Variants in DOC2B observed in about 807,000 individuals in gnomAD.
The protein encoded by DOC2B is double C2 domain beta.
Under a neutral mutation model 28.9 loss-of-function variants are expected in DOC2B, and 21 were observed. The ratio of observed to expected loss-of-function variants is 0.73; its 90% CI spans 0.52 to 1.05. The LOEUF (loss-of-function observed/expected upper bound fraction) is 1.05, where lower values mean the gene tolerates loss of function less well. DOC2B is among the 50% of genes least tolerant of loss of function. The pLI, the probability that DOC2B is intolerant of heterozygous loss-of-function variation, is 0.00. For missense variants in DOC2B, 384 were observed against 421.1 expected, an observed-to-expected ratio of 0.91 and a Z score of 0.77; for synonymous variants, 194 against 178.1, an observed-to-expected ratio of 1.09 and a Z score of -0.71.
intron 1 of DOC2B, among the ~76,000 whole-genome samples, chr17:176,232 T>C (rs2040368500): frequency 6.6e-6 from 1 of 151,868 alleles, no homozygotes; most frequent in Admixed American, 6.6e-5. Context: ...CTTGTTCTGT[T>C]ACCCAGGCTG....
intron 2 of DOC2B, 105 bp from the exon 3 acceptor site, chr17:164,309 T>G: frequency 1.1e-6 from 1 of 886,654 alleles, no homozygotes. Flanking sequence ...GGCCCATTCA[T>G]GGCCCCTTTC....
chr17:161,026 C>T (rs530133425), intron 5 of DOC2B, among the ~76,000 whole-genome samples: 6 of 152,214 alleles, frequency 3.9e-5, no homozygotes, highest in Non-Finnish European at 7.4e-5. Flanking sequence ...CACCCAAGGA[C>T]GTCCTATCTG....
chr17:160,391 T>C (rs966265448), intron 5 of DOC2B, among the ~76,000 whole-genome samples: 3 of 152,176 alleles, frequency 2.0e-5, no homozygotes, highest in African/African-American at 7.2e-5. Context: ...TGGATCAAAT[T>C]CTGCAAAAGT....
At chr17:157,223 T>C (rs935543207) in intron 5 of DOC2B, among the ~76,000 whole-genome samples, 5 of 152,220 alleles carry the variant, frequency 3.3e-5, no homozygotes, top group Non-Finnish European at 5.9e-5. Flanking sequence ...GGGTCCCACC[T>C]CCACACCTTT....
chr17:164,531 C>T (rs937078548), intron 2 of DOC2B, among the ~76,000 whole-genome samples: 8 of 152,168 alleles, frequency 5.3e-5, no homozygotes, highest in African/African-American at 1.9e-4. Flanking sequence ...GCCCTGCCAT[C>T]ATCCTGACTC....
chr17:161,301 T>C, intron 5 of DOC2B, 114 bp downstream of exon 5: 1 of 1,131,782 alleles, frequency 8.8e-7, no homozygotes, highest in Non-Finnish European at 1.3e-6. Flanking sequence ...CTCCCCGGTC[T>C]CCCCTCCCCT....
intron 1 of DOC2B, among the ~76,000 whole-genome samples, chr17:178,156 T>A (rs2040391490): frequency 1.3e-5 from 2 of 152,236 alleles, no homozygotes; most frequent in South Asian, 4.1e-4. Context: ...GCTTGGCTGA[T>A]GGAGACTGAC....
chr17:156,023 C>T, intron 6 of DOC2B, 197 bp downstream of exon 6: 1 of 601,060 alleles, frequency 1.7e-6, no homozygotes, highest in South Asian at 2.2e-5. Context: ...TTCTCTGTCC[C>T]TCAGTTTCCC....
In DOC2B at chr17:147,256, T is replaced by TC. The variant is rs2040026168; in HGVS notation, c.*184dup. 2.6e-6 allele frequency: 1 copy of TC among 382,886 alleles called. No homozygotes were observed. Among genetic ancestry groups the TC allele is most frequent in the South Asian group, 1.5e-4 (1 of 6,878 alleles). 23.7% of individuals were successfully genotyped at this position (382,886 alleles called of 1,614,324 possible). ...AGCCCCCCACCCCAGCTCCTTGCCCTCCCCGTCCCAGAGTGGCTGAGCCCT... is the reference window on the plus strand; with the variant it reads ...AGCCCCCCACCCCAGCTCCTTGCCCTCCCCCGTCCCAGAGTGGCTGAGCCCT... On this transcript the variant is annotated 3_prime_UTR_variant, in exon 9 of 9. Coordinates refer to ENST00000613549, the MANE Select transcript of DOC2B (RefSeq NM_003585.5).
rs139950714 is a variant in DOC2B at position 176,935 on chromosome 17, C to T, written c.373+4172G>A. ...TTGGCTCCTCTAAGGCCGAGCACCC[C>T]CTGCTTGGCTGATGTAGACCTGACA... is the stretch of plus-strand genomic sequence containing the variant. On this transcript the variant is annotated intron_variant, in intron 1 of 8. Transcript: ENST00000613549. 5.0e-3 allele frequency among the ~76,000 whole-genome samples: 765 copies of T among 152,264 alleles called. 15 individuals carry two copies. The highest frequency in any genetic ancestry group is 0.018 in the African/African-American group (735 of 41,540).
chr17:181,529 G>C lies in DOC2B; in HGVS notation c.-50C>G, dbSNP rs1371695844. The C allele has an allele frequency of 1.6e-5, 15 of 961,688 alleles. No homozygotes were observed. The highest frequency in any genetic ancestry group is 1.9e-5 in the Non-Finnish European group (15 of 810,672). The allele number at this position is 961,688 out of a possible 1,614,324, so 59.6% of individuals were successfully genotyped here. The stretch of plus-strand genomic sequence containing the variant: ...GCGCGGCCCGGCCCGGCGCGACCCC[G>C]GCCCGGGGGCGGCTCAGCAGGCCCG... On this transcript the variant is annotated 5_prime_UTR_variant, in exon 1 of 9. Transcript: ENST00000613549. This position sits in a 1 kb window ranked among gnomAD's most constrained non-coding sequence, Gnocchi z 7.0.
intron 5 of DOC2B, among the ~76,000 whole-genome samples, chr17:160,277 G>A (rs753210935): frequency 1.3e-5 from 2 of 152,192 alleles, no homozygotes; most frequent in Middle Eastern, 3.4e-3. Context: ...TAGACCATGT[G>A]GAAAAACCGG....
chr17:175,595 C>A (rs902766830), intron 1 of DOC2B, among the ~76,000 whole-genome samples: 38 of 152,378 alleles, frequency 2.5e-4, no homozygotes, highest in Non-Finnish European at 5.0e-4. Flanking sequence ...ACCTGTGAGA[C>A]CAACAAACAG....
chr17:155,921 A>C, intron 6 of DOC2B: 1 of 387,922 alleles, frequency 2.6e-6, no homozygotes, highest in Non-Finnish European at 4.6e-6. Context: ...CCTGCAACTC[A>C]TGGCCCCTCC....
intron 7 of DOC2B, among the ~76,000 whole-genome samples, chr17:148,872 C>G (rs1360216012): frequency 6.6e-6 from 1 of 151,924 alleles, no homozygotes; most frequent in East Asian, 1.9e-4. Flanking sequence ...CTGTTGCCTC[C>G]ATGAGGAACC....
Position 174,173 on chromosome 17 carries a change from C to T in DOC2B, c.374-1557G>A, listed in dbSNP as rs915155207. 3.9e-5 allele frequency among the ~76,000 whole-genome samples: 6 copies of T among 152,208 alleles called. No homozygotes were observed. In the East Asian group the frequency reaches 7.7e-4, roughly 20 times the overall value. On this transcript the variant is annotated intron_variant, in intron 1 of 8. Coordinates refer to ENST00000613549, the MANE Select transcript of DOC2B (RefSeq NM_003585.5). ...TTGTCTAGATCATCCCCTTCTAACA[C>T]GGGTCAGGCACATGTCTCTGTCTTC...
intron 1 of DOC2B, among the ~76,000 whole-genome samples, chr17:176,886 G>A (rs2040376050): frequency 6.6e-6 from 1 of 152,182 alleles, no homozygotes; most frequent in Non-Finnish European, 1.5e-5. Flanking sequence ...GGCTAATTCA[G>A]AGAAAATCAA....
At chr17:172,107 C>T (rs2040318802) in intron 2 of DOC2B, among the ~76,000 whole-genome samples, 2 of 152,080 alleles carry the variant, frequency 1.3e-5, no homozygotes, top group African/African-American at 4.8e-5. Context: ...GGAGTGGCAT[C>T]GGCCTCCTAC....
intron 5 of DOC2B, 88 bp downstream of exon 5, chr17:161,327 A>T: frequency 7.3e-7 from 1 of 1,368,142 alleles, no homozygotes; most frequent in Non-Finnish European, 1.0e-6. Context: ...TCTGCCCCTC[A>T]TGAGTCCCAT....
Sources: allele counts gnomAD v4.1 joint callset (sites outside exome capture counted in the v4.1 genomes callset), GRCh38; gene constraint gnomAD v4.1.1; non-coding constraint Gnocchi (gnomAD v3.1); transcripts MANE v1.5; gene names NCBI Gene and HGNC (gene_info 2026-07-23, HGNC 2026-07-21).